CTNNA2: variants seen among roughly 807,000 people sequenced by gnomAD.
CTNNA2 encodes the protein catenin alpha 2.
CTNNA2 carries 42 observed loss-of-function variants against 101.0 expected under a neutral mutation model. The observed-to-expected ratio is 0.42, with a 90% CI of 0.32 to 0.54. The LOEUF (loss-of-function observed/expected upper bound fraction) is 0.54, where lower values mean the gene tolerates loss of function less well. CTNNA2 is among the 20% of genes least tolerant of loss of function. The pLI, the probability that CTNNA2 is intolerant of heterozygous loss-of-function variation, is 0.14. For synonymous variants in CTNNA2, 450 were observed against 456.4 expected (o/e 0.99, Z 0.18); for missense variants, 871 against 1,223.1 (o/e 0.71, Z 4.29).
chr2:80,183,773 G>A (rs1260244540), intron 7 of CTNNA2, among the ~76,000 whole-genome samples: 1 of 152,120 alleles, frequency 6.6e-6, no homozygotes, highest in Non-Finnish European at 1.5e-5. Context: ...AGAAATGATT[G>A]TTGTTTAATT....
chr2:79,452,212 C>A (rs563700720), intron 4 of CTNNA2, among the ~76,000 whole-genome samples: 1 of 152,188 alleles, frequency 6.6e-6, no homozygotes, highest in South Asian at 2.1e-4. Flanking sequence ...GGCAAAAGTG[C>A]CTTCCATTGA....
intron 18 of CTNNA2, among the ~76,000 whole-genome samples, chr2:80,621,487 G>T (rs1347796275): frequency 6.6e-6 from 1 of 151,908 alleles, no homozygotes; most frequent in Non-Finnish European, 1.5e-5. Context: ...CACTTAGAAA[G>T]TTATATATAA....
At chr2:79,591,943 T>A (rs959395395) in intron 1 of CTNNA2, among the ~76,000 whole-genome samples, 16 of 151,418 alleles carry the variant, frequency 1.1e-4, no homozygotes, top group Middle Eastern at 3.4e-3. Flanking sequence ...GACTGCTTTG[T>A]CTTTTTTACA....
chr2:79,473,704 G>T (rs1173403684), intron 4 of CTNNA2, among the ~76,000 whole-genome samples: 1 of 152,038 alleles, frequency 6.6e-6, no homozygotes, highest in Non-Finnish European at 1.5e-5. Flanking sequence ...AGACAAACAG[G>T]AATGAGAAAT....
chr2:80,590,552 C>CT (rs1466106743), intron 15 of CTNNA2, among the ~76,000 whole-genome samples: 3 of 151,802 alleles, frequency 2.0e-5, no homozygotes, highest in Admixed American at 6.6e-5. Flanking sequence ...TGGGTGACAA[C>CT]TTTTTTTAAT....
intron 6 of CTNNA2, among the ~76,000 whole-genome samples, chr2:79,891,879 A>G (rs1684330289): frequency 6.6e-6 from 1 of 152,078 alleles, no homozygotes; most frequent in Admixed American, 6.6e-5. Flanking sequence ...GTGACTGTGA[A>G]TATTTTTTCC....
At chr2:79,199,839 C>T (rs530330280) in intron 2 of CTNNA2, among the ~76,000 whole-genome samples, 1 of 152,178 alleles carries the variant, frequency 6.6e-6, no homozygotes, top group East Asian at 1.9e-4. Context: ...GTAGCTGGGA[C>T]TACAGATGGT....
chr2:79,847,208 G>T (rs183610543), intron 3 of CTNNA2, among the ~76,000 whole-genome samples: 1 of 152,230 alleles, frequency 6.6e-6, no homozygotes, highest in African/African-American at 2.4e-5. Context: ...TGGTTCAGAA[G>T]AGCGTATCAA....
chr2:80,581,607 T>C, intron 13 of CTNNA2, 99 bp from the exon 14 acceptor site: 3 of 741,804 alleles, frequency 4.0e-6, no homozygotes, highest in Middle Eastern at 4.6e-4. Context: ...TGCTATAAGC[T>C]CTGTTTGCTG....
chr2:79,697,410 T>C (rs1684716043), intron 2 of CTNNA2, among the ~76,000 whole-genome samples: 1 of 152,078 alleles, frequency 6.6e-6, no homozygotes, highest in Non-Finnish European at 1.5e-5. Context: ...TCTGACAGTC[T>C]GTCAACACAA....
At chr2:80,239,488 C>T (rs1333047282) in intron 7 of CTNNA2, among the ~76,000 whole-genome samples, 1 of 152,132 alleles carries the variant, frequency 6.6e-6, no homozygotes. Flanking sequence ...ACGTTCCAAG[C>T]CCCGCAGTGG....
intron 17 of CTNNA2, among the ~76,000 whole-genome samples, chr2:80,613,448 T>C (rs1486007817): frequency 6.6e-6 from 1 of 151,362 alleles, no homozygotes; most frequent in African/African-American, 2.4e-5. Flanking sequence ...AAAAATTTCT[T>C]TGGGTGCTGG....
intron 2 of CTNNA2, among the ~76,000 whole-genome samples, chr2:79,207,092 C>T (rs974422094): frequency 6.6e-6 from 1 of 152,074 alleles, no homozygotes; most frequent in Non-Finnish European, 1.5e-5. Context: ...CTAAAAGTGC[C>T]AGATATTCTA....
At chr2:80,282,951 C>G (rs1009821187) in intron 7 of CTNNA2, among the ~76,000 whole-genome samples, 3 of 151,846 alleles carry the variant, frequency 2.0e-5, no homozygotes, top group African/African-American at 7.3e-5. Flanking sequence ...AAAATATGGG[C>G]TAGTGGATCC....
intron 4 of CTNNA2, among the ~76,000 whole-genome samples, chr2:79,474,415 C>A (rs776084149): frequency 3.9e-5 from 6 of 152,050 alleles, no homozygotes; most frequent in Non-Finnish European, 5.9e-5. Context: ...CTGCATATGA[C>A]ATGGTTTCAT....
At chr2:79,982,580 G>A (rs1199467250) in intron 7 of CTNNA2, among the ~76,000 whole-genome samples, 2 of 150,460 alleles carry the variant, frequency 1.3e-5, no homozygotes, top group African/African-American at 4.9e-5. Context: ...GTAGGTTTCT[G>A]ATGTTTCTGT....
intron 7 of CTNNA2, among the ~76,000 whole-genome samples, chr2:80,083,272 C>G (rs1031276543): frequency 6.6e-6 from 1 of 152,066 alleles, no homozygotes; most frequent in Non-Finnish European, 1.5e-5. Context: ...TTCCTCAGTA[C>G]TAGTTTTGAA....
At chr2:79,471,132 A>G (rs1670994212) in intron 4 of CTNNA2, among the ~76,000 whole-genome samples, 1 of 152,152 alleles carries the variant, frequency 6.6e-6, no homozygotes, top group South Asian at 2.1e-4. Context: ...GCACACCTCT[A>G]GAAGGCTAGC....
At chr2:80,349,925 T>C (rs982614132) in intron 7 of CTNNA2, among the ~76,000 whole-genome samples, 8 of 152,188 alleles carry the variant, frequency 5.3e-5, no homozygotes, top group Non-Finnish European at 1.0e-4. Flanking sequence ...GAAATTGTGA[T>C]GGCTAGTCCA....
Sources: gnomAD v4.1 joint callset for allele counts (sites outside exome capture counted in the v4.1 genomes callset) on GRCh38, gnomAD v4.1.1 for gene constraint, MANE v1.5 for transcripts, NCBI Gene and HGNC (gene_info 2026-07-23, HGNC 2026-07-21) for gene names.